Variants in PARP1 observed in about 807,000 individuals in gnomAD.
PARP1 encodes poly [ADP-ribose] polymerase 1.
In PARP1, 44 loss-of-function variants were observed where a neutral mutation model predicts 118.7. The observed-to-expected ratio is 0.37, with a 90% CI of 0.29 to 0.48. The LOEUF (loss-of-function observed/expected upper bound fraction) is 0.48, where lower values mean the gene tolerates loss of function less well. Ranked by LOEUF, PARP1 falls within the 20% of genes least tolerant of loss-of-function variation. PARP1 has a pLI of 0.99. For missense variants in PARP1, 1,100 were observed against 1,272.4 expected, an observed-to-expected ratio of 0.86 and a Z score of 2.06; for synonymous variants, 492 against 483.2, an observed-to-expected ratio of 1.02 and a Z score of -0.24.
Position 226,379,260 on chromosome 1 carries a change from C to A in PARP1, c.1627G>T (p.Ala543Ser). 6.2e-7 allele frequency: 1 copy of A among 1,614,254 alleles called. No individual in the cohort carries two copies. The highest frequency in any genetic ancestry group is 1.3e-5 in the African/African-American group (1 of 75,068). ...VDPDSGLEHS[A>S]HVLEKGGKVF... Reference sequence around the variant, plus strand: ...TTCCCACCTTTCTCCAGGACATGCGCAGAGTGTTCCAGTCCTGTCCCAGAG... The same window carrying A: ...TTCCCACCTTTCTCCAGGACATGCGAAGAGTGTTCCAGTCCTGTCCCAGAG... Residue 543 changes from alanine (A) to serine (S), a missense_variant, in exon 12 of 23, where the codon GCG becomes TCG. Transcript: ENST00000366794.
At chr1:226,361,777 TG>T in intron 22 of PARP1, 191 bp downstream of exon 22, 1 of 664,408 alleles carries the variant, frequency 1.5e-6, no homozygotes, top group Non-Finnish European at 2.7e-6. Flanking sequence ...CTCTGGAAAC[TG>T]GGGGAAGGCT....
chr1:226,370,673 G>A (rs1576392510), intron 14 of PARP1, 156 bp from the exon 15 acceptor site: 2 of 691,894 alleles, frequency 2.9e-6, no homozygotes, highest in South Asian at 1.5e-5. Flanking sequence ...TCCAGAGTCT[G>A]TAGCCCCACC....
intron 13 of PARP1, among the ~76,000 whole-genome samples, chr1:226,376,066 T>C (rs573748460): frequency 7.9e-5 from 12 of 152,180 alleles, no homozygotes; most frequent in Non-Finnish European, 1.8e-4. Flanking sequence ...AAGTCTACTG[T>C]CTGAGCCTCA....
intron 7 of PARP1, among the ~76,000 whole-genome samples, chr1:226,384,002 G>A (rs534726694): frequency 1.3e-5 from 2 of 152,326 alleles, no homozygotes; most frequent in Non-Finnish European, 2.9e-5. Context: ...TATCTCATTC[G>A]TGACTGAGCA....
At chr1:226,390,190 G>A (rs1460454704) in intron 4 of PARP1, among the ~76,000 whole-genome samples, 1 of 152,082 alleles carries the variant, frequency 6.6e-6, no homozygotes, top group Admixed American at 6.5e-5. Flanking sequence ...TCACAGGGGA[G>A]AGGGCTCTCA....
At chr1:226,361,848 G>A (rs1487068997) in intron 22 of PARP1, 121 bp downstream of exon 22, 1 of 732,030 alleles carries the variant, frequency 1.4e-6, no homozygotes, top group Non-Finnish European at 2.5e-6. Context: ...CAGTCACCAT[G>A]GGACACACTA....
At chr1:226,390,939 T>C (rs957946556) in intron 3 of PARP1, among the ~76,000 whole-genome samples, 4 of 151,528 alleles carry the variant, frequency 2.6e-5, no homozygotes, top group Non-Finnish European at 5.9e-5. Flanking sequence ...TAAAAACACA[T>C]GGTATGGTGT....
At chr1:226,363,289 G>T in intron 20 of PARP1, 129 bp from the exon 21 acceptor site, 1 of 736,722 alleles carries the variant, frequency 1.4e-6, no homozygotes. Context: ...CATCTAAACT[G>T]CTCAGGCTCC....
In PARP1 at chr1:226,377,452, A is replaced by G. The variant is rs528252726; in HGVS notation, c.1746-149T>C. ...TTAACACAGAACAAACACAACTGCT[A>G]TAACAATAAAGGGTCTTTATTTTAC... On this transcript the variant is annotated intron_variant, in intron 12 of 22. Coordinates refer to ENST00000366794, the MANE Select transcript of PARP1 (RefSeq NM_001618.4). 251 of 669,190 alleles carry G rather than the reference A, an allele frequency of 3.8e-4. 2 individuals are homozygous for G. In the South Asian group the frequency reaches 4.0e-3, roughly 11 times the overall value. 41.5% of individuals were successfully genotyped at this position (669,190 alleles called of 1,614,324 possible). A position where few individuals can be genotyped will look rare whatever the true frequency, so the allele number is the denominator to read the frequency against.
chr1:226,393,014 C>G, intron 2 of PARP1: 1 of 1,519,754 alleles, frequency 6.6e-7, no homozygotes, highest in Non-Finnish European at 8.7e-7. Context: ...AAAAGAAACA[C>G]AAGGTGTAAG....
intron 14 of PARP1, among the ~76,000 whole-genome samples, chr1:226,373,392 G>A (rs1328607966): frequency 6.6e-6 from 1 of 152,224 alleles, no homozygotes; most frequent in Non-Finnish European, 1.5e-5. Context: ...TCAGCAGCTA[G>A]GGTAGAGAGG....
intron 8 of PARP1, 101 bp downstream of exon 8, chr1:226,382,935 C>T: frequency 4.4e-6 from 6 of 1,351,110 alleles, no homozygotes; most frequent in Non-Finnish European, 6.3e-6. Context: ...CAAAGAGAGA[C>T]CCTTGACGGA....
At position 226,401,962 on chromosome 1, in the gene PARP1, A is replaced by C; in HGVS notation, c.286+252T>G. On this transcript the variant is annotated intron_variant, in intron 2 of 22. Transcript: ENST00000366794. Reference sequence around the variant, plus strand: ...GCTTACTTTTGCCATGAACAAAAATAAAGTATATTAAAAACAAAACAACTT... The same window carrying C: ...GCTTACTTTTGCCATGAACAAAAATCAAGTATATTAAAAACAAAACAACTT... 3.5e-6 allele frequency: 5 copies of C among 1,442,984 alleles called. No homozygotes were observed. In the South Asian group the frequency reaches 6.0e-5, roughly 17 times the overall value. 89.4% of individuals were successfully genotyped at this position (1,442,984 alleles called of 1,614,324 possible).
intron 14 of PARP1, 89 bp from the exon 15 acceptor site, chr1:226,370,606 C>T: frequency 1.9e-6 from 2 of 1,028,516 alleles, no homozygotes; most frequent in South Asian, 2.5e-5. Context: ...CCCTCAGGCC[C>T]CCAACAGGAG....
chr1:226,368,941 C>G (rs527968782), intron 15 of PARP1, among the ~76,000 whole-genome samples: 1 of 152,302 alleles, frequency 6.6e-6, no homozygotes, highest in Admixed American at 6.5e-5. Flanking sequence ...ATTTCGCAGA[C>G]AGCCTAGGTG....
chr1:226,403,441 G>A (rs1219699033), intron 1 of PARP1, among the ~76,000 whole-genome samples: 1 of 152,252 alleles, frequency 6.6e-6, no homozygotes, highest in Non-Finnish European at 1.5e-5. Context: ...GCTTCCCGAA[G>A]TGCTGGGATT....
intron 11 of PARP1, 121 bp from the exon 12 acceptor site, chr1:226,379,395 A>G: frequency 7.3e-7 from 1 of 1,360,686 alleles, no homozygotes; most frequent in South Asian, 1.2e-5. Context: ...CACCCTCGGG[A>G]GGCTCCCCAC....
chr1:226,365,776 A>AC (rs907079398), intron 18 of PARP1, among the ~76,000 whole-genome samples, 178 bp downstream of exon 18: 1 of 46,016 alleles, frequency 2.2e-5, no homozygotes, highest in African/African-American at 1.2e-4. Flanking sequence ...CAAAAAAAAA[A>AC]ACAAAAAACA....
chr1:226,385,804 G>T, intron 6 of PARP1, 124 bp from the exon 7 acceptor site: 1 of 899,256 alleles, frequency 1.1e-6, no homozygotes, highest in Non-Finnish European at 1.8e-6. Flanking sequence ...GCTTCTTGCT[G>T]TGGGCTTGCT....
Sources: allele counts gnomAD v4.1 joint callset (sites outside exome capture counted in the v4.1 genomes callset), GRCh38; gene constraint gnomAD v4.1.1; transcripts MANE v1.5; gene names NCBI Gene and HGNC (gene_info 2026-07-23, HGNC 2026-07-21).